The following PCDHGA6 variants were observed in gnomAD, a reference collection of about 807,000 sequenced individuals.
The protein encoded by PCDHGA6 is protocadherin gamma subfamily A, 6, also known as protocadherin gamma-A6.
PCDHGA6 carries 41 observed loss-of-function variants against 60.6 expected under a neutral mutation model. The observed-to-expected ratio is 0.68, with a 90% CI of 0.53 to 0.88. The LOEUF is 0.88. Among genes scored for constraint, PCDHGA6 ranks in the 40% least tolerant of loss-of-function variants. The pLI is 0.00. For missense variants in PCDHGA6, 1,312 were observed against 1,203.0 expected, an observed-to-expected ratio of 1.09 and a Z score of -1.34; for synonymous variants, 594 against 524.4, an observed-to-expected ratio of 1.13 and a Z score of -1.81.
At chr5:141,387,576 G>A in intron 1 of PCDHGA6, 2 of 487,618 alleles carry the variant, frequency 4.1e-6, no homozygotes, top group Non-Finnish European at 7.2e-6. Flanking sequence ...TATAATTATT[G>A]CACTGGTTAA....
intron 1 of PCDHGA6, among the ~76,000 whole-genome samples, chr5:141,407,652 A>G (rs2094964200): frequency 6.6e-6 from 1 of 152,020 alleles, no homozygotes; most frequent in Non-Finnish European, 1.5e-5. Flanking sequence ...ATAATGGGGG[A>G]GCGCAGTATA....
intron 1 of PCDHGA6, chr5:141,385,234 C>T: frequency 1.2e-6 from 2 of 1,614,178 alleles, no homozygotes; most frequent in African/African-American, 1.3e-5. Context: ...TGTAGACATG[C>T]TCATCAGCCA....
intron 1 of PCDHGA6, chr5:141,441,743 C>T (rs1298220876): frequency 1.4e-5 from 5 of 367,166 alleles, no homozygotes; most frequent in Non-Finnish European, 2.2e-5. Context: ...AGCTCGCGCT[C>T]GGCGTCAACG....
chr5:141,448,974 C>T (rs937711828), intron 1 of PCDHGA6, among the ~76,000 whole-genome samples: 5 of 151,994 alleles, frequency 3.3e-5, no homozygotes, highest in African/African-American at 1.2e-4. Context: ...CAAAAAAGAA[C>T]TTCCATATTA....
At chr5:141,413,385 A>G (rs1328460811) in intron 1 of PCDHGA6, 23 of 1,613,870 alleles carry the variant, frequency 1.4e-5, no homozygotes, top group Non-Finnish European at 1.8e-5. Flanking sequence ...GAGTCCGCAT[A>G]GTCTCCAGAG....
chr5:141,433,365 A>G (rs1347170890), intron 1 of PCDHGA6: 7 of 523,718 alleles, frequency 1.3e-5, no homozygotes, highest in Non-Finnish European at 2.4e-5. Context: ...CTGCCTATCT[A>G]TCTATCTATC....
At chr5:141,439,780 T>G (rs1023743000) in intron 1 of PCDHGA6, 1 of 152,228 alleles carries the variant, frequency 6.6e-6, no homozygotes, top group African/African-American at 2.4e-5. Context: ...TGGCTGGAGA[T>G]TCTATAATCC....
rs370190281 is a variant in PCDHGA6, at chr5:141,401,943, A to G, written c.2424+25436A>G. Among the ~76,000 whole-genome samples the G allele has an allele frequency of 3.9e-5, 6 of 152,312 alleles. No homozygotes were observed. In the South Asian group the frequency reaches 1.0e-3, roughly 26 times the overall value. On this transcript the variant is annotated intron_variant, in intron 1 of 3. Coordinates refer to ENST00000517434, the MANE Select transcript of PCDHGA6 (RefSeq NM_018919.3). ...AGTGATGCTTAGAATAATGTTTAAG[A>G]CCACTTTAAAATTGCATAATTTATT...
chr5:141,489,300 C>A lies in PCDHGA6; in HGVS notation c.2425-5507C>A. On this transcript the variant is annotated intron_variant, in intron 1 of 3. Coordinates refer to ENST00000517434, the MANE Select transcript of PCDHGA6 (RefSeq NM_018919.3). The surrounding 1 kb of genome is among the most constrained non-coding windows in gnomAD (Gnocchi z 4.5). ...AATGGCAAGTGCTGTGCATGTTGTC[C>A]TTGTGCTGCTGGGGCTGGGTGTCTG... 1 of 1,585,698 alleles carries A rather than the reference C, an allele frequency of 6.3e-7. No homozygotes were observed. Among genetic ancestry groups the A allele is most frequent in the South Asian group, 1.2e-5 (1 of 85,012 alleles).
intron 1 of PCDHGA6, chr5:141,415,641 T>TAA (rs113784532): frequency 8.4e-5 from 108 of 1,280,644 alleles, no homozygotes; most frequent in African/African-American, 8.0e-4. Flanking sequence ...TTACTTTTGT[T>TAA]AAAAAAAAAA....
intron 2 of PCDHGA6, 69 bp from the exon 3 acceptor site, chr5:141,505,324 G>T: frequency 6.2e-7 from 1 of 1,607,102 alleles, no homozygotes; most frequent in African/African-American, 1.3e-5. Context: ...GGAGCCCTGG[G>T]AGAGGACAGG....
chr5:141,421,365 G>A (rs1189449968), intron 1 of PCDHGA6: 2 of 1,614,026 alleles, frequency 1.2e-6, no homozygotes, highest in South Asian at 1.1e-5. Flanking sequence ...GCTCCTTCGT[G>A]GGCAATATCT....
At chr5:141,409,069 A>G (rs886525915) in intron 1 of PCDHGA6, 5 of 1,614,008 alleles carry the variant, frequency 3.1e-6, no homozygotes, top group Non-Finnish European at 4.2e-6. Context: ...AGAGCACAAA[A>G]CATATGTTCT....
At chr5:141,412,145 C>T (rs1335929166) in intron 1 of PCDHGA6, 1 of 152,210 alleles carries the variant, frequency 6.6e-6, no homozygotes, top group East Asian at 1.9e-4. Context: ...CTGATACAAA[C>T]TGCCTAAGAG....
Position 141,421,724 on chromosome 5 carries a change from A to G in PCDHGA6, c.2424+45217A>G, listed in dbSNP as rs541532003. On this transcript the variant is annotated intron_variant, in intron 1 of 3. Transcript: ENST00000517434. ...GCTAGGGATCCAGATGTGGGCGTGA[A>G]CTCCCTCCAGAGCTACCAGCTCAGC... 250 of 1,613,766 alleles carry G rather than the reference A, an allele frequency of 1.5e-4. 5 individuals are homozygous for G. The South Asian group carries it at 2.6e-3, about 17-fold the overall frequency.
rs149806642 is a variant in PCDHGA6 at position 141,502,449 on chromosome 5, A to T, written c.2484-2944A>T. 7.7e-3 allele frequency among the ~76,000 whole-genome samples: 1,166 copies of T among 151,886 alleles called. 15 individuals carry two copies. The highest frequency in any genetic ancestry group is 0.027 in the African/African-American group (1,103 of 41,308). On this transcript the variant is annotated intron_variant, in intron 2 of 3. Coordinates refer to ENST00000517434, the MANE Select transcript of PCDHGA6 (RefSeq NM_018919.3). The stretch of plus-strand genomic sequence containing the variant: ...TCTGATGGTTAGATTCAGATTACAC[A>T]CCTTGGTAGGAATACTTCCCGCAGC...
At chr5:141,459,287 G>A (rs1362981410) in intron 1 of PCDHGA6, among the ~76,000 whole-genome samples, 1 of 152,136 alleles carries the variant, frequency 6.6e-6, no homozygotes, top group African/African-American at 2.4e-5. Context: ...TCATCTAAAT[G>A]GAATCCTATA....
chr5:141,404,680 G>A (rs2094553624), intron 1 of PCDHGA6: 2 of 1,614,042 alleles, frequency 1.2e-6, no homozygotes, highest in Non-Finnish European at 1.7e-6. Context: ...CTGGTGTGGA[G>A]CTGGCACCCC....
rs572603287 is a variant in PCDHGA6 at position 141,477,037 on chromosome 5, G to T, written c.2425-17770G>T. 19 of 1,614,266 alleles carry T rather than the reference G, an allele frequency of 1.2e-5. No homozygotes were observed. In the East Asian group the frequency reaches 3.8e-4, roughly 32 times the overall value. Reference sequence around the variant, plus strand: ...TTGTAACCGGGATGCTGACAATCAAGGGTCGGCTGGACTTCGAGGACACCA... The same window carrying T: ...TTGTAACCGGGATGCTGACAATCAATGGTCGGCTGGACTTCGAGGACACCA... On this transcript the variant is annotated intron_variant, in intron 1 of 3. Transcript: ENST00000517434. The surrounding 1 kb of genome is among the most constrained non-coding windows in gnomAD (Gnocchi z 4.9).
Sources: gnomAD v4.1 joint callset for allele counts (sites outside exome capture counted in the v4.1 genomes callset) on GRCh38, gnomAD v4.1.1 for gene constraint, Gnocchi (gnomAD v3.1) non-coding constraint, MANE v1.5 for transcripts, NCBI Gene and HGNC (gene_info 2026-07-23, HGNC 2026-07-21) for gene names.